Variants in PCDHGA4 observed in about 807,000 individuals in gnomAD.
The protein encoded by PCDHGA4 is protocadherin gamma-A4.
In PCDHGA4, 38 loss-of-function variants were observed where a neutral mutation model predicts 54.6. The observed-to-expected ratio is 0.70, with a 90% CI of 0.54 to 0.91. PCDHGA4 has a LOEUF of 0.91. Ranked by LOEUF, PCDHGA4 falls within the 40% of genes least tolerant of loss-of-function variation. The probability of loss-of-function intolerance (pLI) is 0.00; values close to 1 mark genes in which losing one functional copy is unlikely to be tolerated. For missense variants in PCDHGA4, 1,298 were observed against 1,220.9 expected (o/e 1.06, Z -0.94); for synonymous variants, 511 against 512.9 (o/e 1.00, Z 0.05).
chr5:141,440,321 C>T (rs1048535776), intron 1 of PCDHGA4: 1 of 152,104 alleles, frequency 6.6e-6, no homozygotes, highest in African/African-American at 2.4e-5. Context: ...ACAAAAATTA[C>T]TGGGCATGGT....
intron 1 of PCDHGA4, chr5:141,391,513 C>T (rs1485140932): frequency 6.6e-6 from 1 of 152,096 alleles, no homozygotes; most frequent in Non-Finnish European, 1.5e-5. Flanking sequence ...TATTTTCTTT[C>T]ACTAATTTAA....
intron 1 of PCDHGA4, chr5:141,398,053 A>C: frequency 2.0e-6 from 3 of 1,516,468 alleles, no homozygotes; most frequent in Non-Finnish European, 2.7e-6. Flanking sequence ...TCGGAGATCC[A>C]AAAATCTACA....
Position 141,375,615 on chromosome 5 carries a change from C to G in PCDHGA4, c.2514+17994C>G, listed in dbSNP as rs778578584. Reference sequence around the variant, plus strand: ...TCCTACGTGTCCATCAACTCCGACACTGGGATTCTGTACGCCCTGCGCTCC... The same window carrying G: ...TCCTACGTGTCCATCAACTCCGACAGTGGGATTCTGTACGCCCTGCGCTCC... On this transcript the variant is annotated intron_variant, in intron 1 of 3. Coordinates refer to ENST00000571252, the MANE Select transcript of PCDHGA4 (RefSeq NM_018917.4). The G allele has an allele frequency of 6.8e-6, 11 of 1,614,124 alleles. No homozygotes were observed. In the South Asian group the frequency reaches 1.2e-4, roughly 18 times the overall value.
At chr5:141,461,082 T>C (rs2099008648) in intron 1 of PCDHGA4, among the ~76,000 whole-genome samples, 1 of 152,070 alleles carries the variant, frequency 6.6e-6, no homozygotes, top group South Asian at 2.1e-4. Flanking sequence ...AATTGTGAAT[T>C]GTGCTGCTAT....
chr5:141,362,184 C>T (rs1252521454), intron 1 of PCDHGA4: 1 of 1,614,058 alleles, frequency 6.2e-7, no homozygotes, highest in Admixed American at 1.7e-5. Flanking sequence ...AGCCCTCTGA[C>T]CCCCAGGCAA....
In PCDHGA4 at chr5:141,431,465, AACG is replaced by A; in HGVS notation, c.2515-63339_2515-63337del. 1.9e-6 allele frequency: 3 copies of A among 1,613,790 alleles called. No homozygotes were observed. The highest frequency in any genetic ancestry group is 2.5e-6 in the Non-Finnish European group (3 of 1,179,970). ...CATCCGCGTGATGGTTCTGGATGCGAACGACAACGCACCAGCGTTTGCTCAGCC... is the reference window on the plus strand; with the variant it reads ...CATCCGCGTGATGGTTCTGGATGCGAACAACGCACCAGCGTTTGCTCAGCC... On this transcript the variant is annotated intron_variant, in intron 1 of 3. Transcript: ENST00000571252. The surrounding 1 kb of genome is among the most constrained non-coding windows in gnomAD (Gnocchi z 4.8).
At chr5:141,425,524 G>C (rs2096881323) in intron 1 of PCDHGA4, among the ~76,000 whole-genome samples, 1 of 152,184 alleles carries the variant, frequency 6.6e-6, no homozygotes, top group Non-Finnish European at 1.5e-5. Context: ...GATGAAACAT[G>C]AAACAATAAT....
At position 141,486,455 on chromosome 5, in the gene PCDHGA4, T is replaced by G; in HGVS notation, c.2515-8352T>G. On this transcript the variant is annotated intron_variant, in intron 1 of 3. Transcript: ENST00000571252. This position sits in a 1 kb window ranked among gnomAD's most constrained non-coding sequence, Gnocchi z 5.0. Reference sequence around the variant, plus strand: ...TAGCTATGACATCATGGTCACTGCTTCTGATGCTGGGAACCCTCCTCTCAG... The same window carrying G: ...TAGCTATGACATCATGGTCACTGCTGCTGATGCTGGGAACCCTCCTCTCAG... 6.2e-7 allele frequency: 1 copy of G among 1,614,066 alleles called. No homozygotes were observed. Among genetic ancestry groups the G allele is most frequent in the Non-Finnish European group, 8.5e-7 (1 of 1,179,892 alleles).
In PCDHGA4 at chr5:141,355,451, T is replaced by A. The variant is rs1759859911; in HGVS notation, c.344T>A (p.Leu115Ter). The A allele has an allele frequency of 1.9e-6, 3 of 1,613,958 alleles. No individual in the cohort carries two copies. Among genetic ancestry groups the A allele is most frequent in the Non-Finnish European group, 2.5e-6 (3 of 1,179,914 alleles). ...LFALNPRSGT[L>*]VTAGRIDREE... ...GCCCTGAACCCGCGCAGCGGCACCTTGGTCACCGCGGGTAGGATAGACAGG... is the reference window on the plus strand; with the variant it reads ...GCCCTGAACCCGCGCAGCGGCACCTAGGTCACCGCGGGTAGGATAGACAGG... The change falls in exon 1 of 4, where the codon TTG becomes TAG. Residue 115 changes from leucine (L) to a stop codon, truncating the protein, a stop_gained. Coordinates refer to ENST00000571252, the MANE Select transcript of PCDHGA4 (RefSeq NM_018917.4). LOFTEE classifies it high-confidence loss of function.
chr5:141,376,360 C>A lies in PCDHGA4; in HGVS notation c.2514+18739C>A, dbSNP rs1772602166. The stretch of plus-strand genomic sequence containing the variant: ...AGACCTATTCCCACGAGGTCTCACT[C>A]ACTGCAGACTCGCGTAAGAGTCATC... On this transcript the variant is annotated intron_variant, in intron 1 of 3. Transcript: ENST00000571252. 5 of 1,614,236 alleles carry A rather than the reference C, an allele frequency of 3.1e-6. No homozygotes were observed. In the African/African-American group the frequency reaches 6.7e-5, roughly 22 times the overall value.
chr5:141,391,135 C>T (rs1481057033), intron 1 of PCDHGA4: 2 of 152,104 alleles, frequency 1.3e-5, no homozygotes, highest in Non-Finnish European at 2.9e-5. Flanking sequence ...AATCATTCTC[C>T]TACCTCTAGG....
chr5:141,374,554 C>G (rs1412584015), intron 1 of PCDHGA4: 1 of 1,613,560 alleles, frequency 6.2e-7, no homozygotes, highest in African/African-American at 1.3e-5. Flanking sequence ...TAATGGAGGT[C>G]TATGACCCTG....
At chr5:141,415,208 A>C in intron 1 of PCDHGA4, 3 of 1,614,024 alleles carry the variant, frequency 1.9e-6, no homozygotes, top group Non-Finnish European at 2.5e-6. Context: ...GTCCTGGCGG[A>C]CCTCGGCAGC....
intron 1 of PCDHGA4, 153 bp downstream of exon 1, chr5:141,357,774 G>T: frequency 1.1e-6 from 1 of 919,942 alleles, no homozygotes; most frequent in Non-Finnish European, 1.6e-6. Flanking sequence ...TTCCAATAAT[G>T]ATCAACAGTA....
At chr5:141,412,441 G>C (rs1334085357) in intron 1 of PCDHGA4, 1 of 152,124 alleles carries the variant, frequency 6.6e-6, no homozygotes, top group African/African-American at 2.4e-5. Flanking sequence ...GTTAATTAAG[G>C]CTCAGTAAAA....
chr5:141,491,247 G>A lies in PCDHGA4; in HGVS notation c.2515-3560G>A, dbSNP rs1356752106. ...CAGTGCTGCTGGTTCTGGAGGATGA[G>A]GACCCTGAGGAAATGCCCAAATCCA... On this transcript the variant is annotated intron_variant, in intron 1 of 3. Coordinates refer to ENST00000571252, the MANE Select transcript of PCDHGA4 (RefSeq NM_018917.4). The surrounding 1 kb of genome is among the most constrained non-coding windows in gnomAD (Gnocchi z 6.9). The A allele has an allele frequency of 3.2e-5, 51 of 1,614,192 alleles. No individual in the cohort carries two copies. The highest frequency in any genetic ancestry group is 4.3e-5 in the Non-Finnish European group (51 of 1,180,018).
chr5:141,355,972 G>A lies in PCDHGA4; in HGVS notation c.865G>A (p.Gly289Ser). ...HVSVRENVPV[G>S]TRLLTVKATD... ...AAGTGTTCGTGAGAACGTTCCTGTAGGCACTCGGCTACTCACCGTAAAAGC... is the reference window on the plus strand; with the variant it reads ...AAGTGTTCGTGAGAACGTTCCTGTAAGCACTCGGCTACTCACCGTAAAAGC... Residue 289 changes from glycine (G) to serine (S), a missense_variant, in exon 1 of 4, where the codon GGC becomes AGC. Physicochemically the swap from Gly to Ser is moderately conservative, Grantham distance 56 (BLOSUM62 0). Coordinates refer to ENST00000571252, the MANE Select transcript of PCDHGA4 (RefSeq NM_018917.4). 1 of 1,613,860 alleles carries A rather than the reference G, an allele frequency of 6.2e-7. No homozygotes were observed. Among genetic ancestry groups the A allele is most frequent in the Non-Finnish European group, 8.5e-7 (1 of 1,179,866 alleles).
At chr5:141,415,002 C>T in intron 1 of PCDHGA4, 2 of 1,613,668 alleles carry the variant, frequency 1.2e-6, no homozygotes, top group East Asian at 2.2e-5. Flanking sequence ...CCTGGCTGTC[C>T]TACCGTCTGC....
chr5:141,432,622 G>A lies in PCDHGA4; in HGVS notation c.2515-62185G>A. 6.2e-7 allele frequency: 1 copy of A among 1,612,776 alleles called. No individual in the cohort carries two copies. The stretch of plus-strand genomic sequence containing the variant: ...AGCCGGGACTCTTCTCGGTGGGTCT[G>A]CACACGGGCGAGGTGCGCACGGCGC... On this transcript the variant is annotated intron_variant, in intron 1 of 3. Transcript: ENST00000571252. This position sits in a 1 kb window ranked among gnomAD's most constrained non-coding sequence, Gnocchi z 6.0.
Sources: allele counts gnomAD v4.1 joint callset (sites outside exome capture counted in the v4.1 genomes callset), GRCh38; gene constraint gnomAD v4.1.1; non-coding constraint Gnocchi (gnomAD v3.1); transcripts MANE v1.5; gene names NCBI Gene and HGNC (gene_info 2026-07-23, HGNC 2026-07-21).